Variants in ESRRB observed in about 807,000 individuals in gnomAD.
ESRRB encodes estrogen related receptor beta, also known as steroid hormone receptor ERR2.
Under a neutral mutation model 46.0 loss-of-function variants are expected in ESRRB, and 16 were observed. That is an observed-to-expected ratio of 0.35 (90% CI 0.24 to 0.53). The LOEUF (loss-of-function observed/expected upper bound fraction) is 0.53, where lower values mean the gene tolerates loss of function less well. ESRRB is among the 20% of genes least tolerant of loss of function. ESRRB has a pLI of 0.93. For missense variants in ESRRB, 488 were observed against 607.4 expected (o/e 0.80, Z 2.07); for synonymous variants, 246 against 259.6 (o/e 0.95, Z 0.50).
intron 2 of ESRRB, among the ~76,000 whole-genome samples, chr14:76,453,261 A>G (rs1258309488): frequency 2.0e-5 from 3 of 152,192 alleles, no homozygotes; most frequent in African/African-American, 4.8e-5. Context: ...TAAGATGCAC[A>G]TTTTCTCCAA....
intron 1 of ESRRB, among the ~76,000 whole-genome samples, chr14:76,421,001 C>G (rs553211708): frequency 5.9e-5 from 9 of 152,288 alleles, no homozygotes; most frequent in African/African-American, 1.7e-4. Flanking sequence ...AGCACTCACC[C>G]GTCACCCTCT....
intron 2 of ESRRB, among the ~76,000 whole-genome samples, chr14:76,447,992 C>T (rs1255814622): frequency 6.6e-6 from 1 of 152,140 alleles, no homozygotes; most frequent in African/African-American, 2.4e-5. Flanking sequence ...ACGTCTCATG[C>T]CACTCTCTTT....
chr14:76,426,863 G>A lies in ESRRB; in HGVS notation c.51-12478G>A, dbSNP rs138419613. Among the ~76,000 whole-genome samples, 15 of 152,160 alleles carry A rather than the reference G, an allele frequency of 9.9e-5. No individual in the cohort carries two copies. In the East Asian group the frequency reaches 1.9e-3, roughly 20 times the overall value. ...CTGGGCAACATGGGGAGACCATGTC[G>A]CTACAAAAAAACAAACAAACAAAAA... On this transcript the variant is annotated intron_variant, in intron 1 of 6. Transcript: ENST00000644823.
intron 2 of ESRRB, 108 bp from the exon 3 acceptor site, chr14:76,462,437 G>T: frequency 1.3e-6 from 1 of 775,988 alleles, no homozygotes; most frequent in Non-Finnish European, 2.2e-6. Flanking sequence ...ACACTAGGGG[G>T]GAGTGGCAGC....
chr14:76,481,289 G>C (rs928188022), intron 3 of ESRRB, among the ~76,000 whole-genome samples: 4 of 152,210 alleles, frequency 2.6e-5, no homozygotes, highest in African/African-American at 9.6e-5. Context: ...CAGGAGCTGT[G>C]GGTGAGGCAG....
intron 1 of ESRRB, among the ~76,000 whole-genome samples, chr14:76,401,021 C>G (rs983883951): frequency 2.0e-5 from 3 of 152,192 alleles, no homozygotes; most frequent in Non-Finnish European, 4.4e-5. Context: ...AGAAGGGCTC[C>G]TTTTGCCGTT....
At chr14:76,483,198 A>G (rs948497150) in intron 5 of ESRRB, among the ~76,000 whole-genome samples, 4 of 152,178 alleles carry the variant, frequency 2.6e-5, no homozygotes, top group African/African-American at 9.7e-5. Flanking sequence ...TGGGAATCAG[A>G]TCGGGATTCC....
intron 2 of ESRRB, among the ~76,000 whole-genome samples, chr14:76,441,263 G>A (rs1202109570): frequency 6.6e-6 from 1 of 152,160 alleles, no homozygotes; most frequent in Non-Finnish European, 1.5e-5. Context: ...CATTCCAATG[G>A]CCATGGTGGT....
At chr14:76,478,206 G>A (rs10131826) in intron 3 of ESRRB, among the ~76,000 whole-genome samples, 7,305 of 152,216 alleles carry the variant, frequency 0.048, 591 homozygotes, top group African/African-American at 0.17. Context: ...TGGCCTTAAC[G>A]GGTGCCTAGT....
intron 1 of ESRRB, among the ~76,000 whole-genome samples, chr14:76,320,534 G>A (rs1489199289): frequency 6.6e-6 from 1 of 152,198 alleles, no homozygotes; most frequent in East Asian, 1.9e-4. Context: ...CTGTAGGCAG[G>A]GCATGGTGGG....
chr14:76,337,733 A>T (rs1449077521), intron 1 of ESRRB, among the ~76,000 whole-genome samples: 1 of 152,188 alleles, frequency 6.6e-6, no homozygotes, highest in South Asian at 2.1e-4. Flanking sequence ...CTAGGAACTC[A>T]TGAGATCCTG....
At chr14:76,358,141 G>A (rs893266055) in intron 1 of ESRRB, among the ~76,000 whole-genome samples, 8 of 151,490 alleles carry the variant, frequency 5.3e-5, no homozygotes, top group Admixed American at 1.3e-4. Context: ...GCAAAACCCC[G>A]TCTCTACTAA....
chr14:76,458,425 GACACACACACACACACAC>G (rs58562150), intron 2 of ESRRB, among the ~76,000 whole-genome samples: 1,939 of 134,916 alleles, frequency 0.014, 44 homozygotes, highest in African/African-American at 0.05. Flanking sequence ...CTCTCTCTCT[GACACACACACACACACAC>G]ACACACACAC....
intron 1 of ESRRB, among the ~76,000 whole-genome samples, chr14:76,385,585 A>G (rs1885192009): frequency 6.6e-6 from 1 of 152,184 alleles, no homozygotes; most frequent in African/African-American, 2.4e-5. Context: ...GATTATCCTG[A>G]GTATAACACA....
chr14:76,423,731 C>T (rs1887075805), intron 1 of ESRRB, among the ~76,000 whole-genome samples: 1 of 152,208 alleles, frequency 6.6e-6, no homozygotes, highest in African/African-American at 2.4e-5. Context: ...ATTTATTCTG[C>T]ACCTACTGTG....
At chr14:76,402,427 T>A (rs1041137619) in intron 1 of ESRRB, among the ~76,000 whole-genome samples, 7 of 152,176 alleles carry the variant, frequency 4.6e-5, no homozygotes, top group Admixed American at 3.3e-4. Context: ...TTTCCTTATT[T>A]ATTTGGCCAT....
At chr14:76,432,400 C>G (rs1474704937) in intron 1 of ESRRB, among the ~76,000 whole-genome samples, 1 of 152,202 alleles carries the variant, frequency 6.6e-6, no homozygotes, top group Admixed American at 6.5e-5. Flanking sequence ...GCCTGGAGAA[C>G]CTTTGCGTCC....
In ESRRB at chr14:76,491,710, A is replaced by G. The variant is rs1890238937; in HGVS notation, c.1114A>G (p.Asn372Asp). The part of the protein sequence containing the change: ...FVTLKALALA[N>D]SDSMYIEDLE... ...GACGCTCAAGGCCCTGGCCCTCGCC[A>G]ACTCCGGTAAGGGCGGCGGCGGGGC... is the stretch of plus-strand genomic sequence containing the variant. Residue 372 changes from asparagine to aspartate, a missense_variant, in exon 6 of 7, where the codon AAC becomes GAC. Transcript: ENST00000644823. 1 of 1,579,012 alleles carries G rather than the reference A, an allele frequency of 6.3e-7. No homozygotes were observed.
intron 1 of ESRRB, among the ~76,000 whole-genome samples, chr14:76,416,381 C>T (rs538866538): frequency 6.6e-6 from 1 of 152,046 alleles, no homozygotes; most frequent in Non-Finnish European, 1.5e-5. Flanking sequence ...GCCTTTGTCT[C>T]CCAAAGTGCT....
Sources: gnomAD v4.1 joint callset for allele counts (sites outside exome capture counted in the v4.1 genomes callset) on GRCh38, gnomAD v4.1.1 for gene constraint, MANE v1.5 for transcripts, NCBI Gene and HGNC (gene_info 2026-07-23, HGNC 2026-07-21) for gene names.